ANXA3: variants seen among roughly 807,000 people sequenced by gnomAD.
The protein encoded by ANXA3 is annexin A3.
In ANXA3, 46 loss-of-function variants were observed where a neutral mutation model predicts 48.8. That is an observed-to-expected ratio of 0.94 (90% CI 0.74 to 1.21). The LOEUF is 1.21. ANXA3 is among the 50% of genes most tolerant of loss of function. The pLI, the probability that ANXA3 is intolerant of heterozygous loss-of-function variation, is 0.00. For missense variants in ANXA3, 383 were observed against 378.6 expected, an observed-to-expected ratio of 1.01 and a Z score of -0.10; for synonymous variants, 128 against 134.7, an observed-to-expected ratio of 0.95 and a Z score of 0.35.
chr4:78,563,870 G>A (rs190680048), intron 2 of ANXA3, among the ~76,000 whole-genome samples: 15 of 152,230 alleles, frequency 9.9e-5, no homozygotes, highest in Admixed American at 2.6e-4. Context: ...AGACAGGGAC[G>A]TCTCCCGCAG....
chr4:78,603,054 C>G (rs1362734666), intron 11 of ANXA3: 2 of 152,354 alleles, frequency 1.3e-5, no homozygotes, highest in South Asian at 2.1e-4. Context: ...CCTAACTGTA[C>G]CAGGCCAATT....
intron 6 of ANXA3, among the ~76,000 whole-genome samples, chr4:78,586,883 C>G (rs1260732013): frequency 1.3e-5 from 2 of 152,138 alleles, no homozygotes; most frequent in Non-Finnish European, 2.9e-5. Context: ...AGGTCACAGT[C>G]CCCACAAGAC....
intron 2 of ANXA3, among the ~76,000 whole-genome samples, chr4:78,556,906 G>A (rs1722524016): frequency 2.0e-5 from 3 of 152,268 alleles, no homozygotes; most frequent in Admixed American, 2.0e-4. Flanking sequence ...GTGATCAAGG[G>A]TGTATTCATT....
Position 78,572,979 on chromosome 4 carries a change from G to A in ANXA3, c.16-201G>A, listed in dbSNP as rs973686353. On this transcript the variant is annotated intron_variant, in intron 2 of 12. Coordinates refer to ENST00000264908, the MANE Select transcript of ANXA3 (RefSeq NM_005139.3). The stretch of plus-strand genomic sequence containing the variant: ...AGACAGCCAGCCTGTGAGGCTAGAA[G>A]CAAGATGGAGTCAACCATGTCAGAT... 14 of 673,914 alleles carry A rather than the reference G, an allele frequency of 2.1e-5. No individual in the cohort carries two copies. The African/African-American group carries it at 2.1e-4, about 10-fold the overall frequency. 41.7% of individuals were successfully genotyped at this position (673,914 alleles called of 1,614,324 possible). A position where few individuals can be genotyped will look rare whatever the true frequency, so the allele number is the denominator to read the frequency against.
chr4:78,610,064 T>C lies in ANXA3; in HGVS notation c.921T>C (p.Thr307=). ...YSLYSAIKSD[T]SGDYEITLLK... ...GATTTTATTCTTTGCAGTCGGATAC[T>C]TCTGGAGACTATGAAATCACACTCT... Residue 307 remains threonine, a synonymous_variant, in exon 13 of 13, where the codon ACT becomes ACC. Coordinates refer to ENST00000264908, the MANE Select transcript of ANXA3 (RefSeq NM_005139.3). The C allele has an allele frequency of 1.2e-6, 2 of 1,609,580 alleles. No homozygotes were observed. The highest frequency in any genetic ancestry group is 2.2e-5 in the South Asian group (2 of 90,696).
At chr4:78,583,867 T>C (rs1329835466) in intron 5 of ANXA3, among the ~76,000 whole-genome samples, 1 of 152,176 alleles carries the variant, frequency 6.6e-6, no homozygotes, top group Non-Finnish European at 1.5e-5. Context: ...AGTGAATCGA[T>C]AATAAACTGA....
chr4:78,563,276 C>G (rs1722661081), intron 2 of ANXA3, among the ~76,000 whole-genome samples: 1 of 152,142 alleles, frequency 6.6e-6, no homozygotes, highest in African/African-American at 2.4e-5. Flanking sequence ...AGGAGACATC[C>G]CTGATCCCAG....
At chr4:78,609,789 C>T (rs1024591860) in intron 12 of ANXA3, among the ~76,000 whole-genome samples, 1 of 152,084 alleles carries the variant, frequency 6.6e-6, no homozygotes, top group African/African-American at 2.4e-5. Flanking sequence ...GTAAGTGATG[C>T]AATCTTATTT....
chr4:78,553,786 G>C (rs549021618), intron 1 of ANXA3: 1 of 152,190 alleles, frequency 6.6e-6, no homozygotes, highest in Non-Finnish European at 1.5e-5. Context: ...AAGGGTGGGA[G>C]CAACTTGCAT....
In ANXA3 at chr4:78,554,494, T is replaced by C; in HGVS notation, c.15+6T>C. 21 of 1,612,804 alleles carry C rather than the reference T, an allele frequency of 1.3e-5. No homozygotes were observed. Among genetic ancestry groups the C allele is most frequent in the Non-Finnish European group, 1.8e-5 (21 of 1,179,214 alleles). On this transcript the variant is annotated splice_donor_region_variant and intron_variant, in intron 2 of 12. Coordinates refer to ENST00000264908, the MANE Select transcript of ANXA3 (RefSeq NM_005139.3). ...ATATCATGGCATCTATCTGGGTAAG[T>C]AAAAATTAAGCCTTCACAACACAGT...
intron 4 of ANXA3, among the ~76,000 whole-genome samples, chr4:78,579,322 T>C: frequency 6.6e-6 from 1 of 152,306 alleles, no homozygotes; most frequent in East Asian, 1.9e-4. Context: ...TTGGTCTTTC[T>C]GGGCCTCAGT....
At chr4:78,593,829 T>TC (rs1723356929) in intron 7 of ANXA3, among the ~76,000 whole-genome samples, 1 of 120,936 alleles carries the variant, frequency 8.3e-6, no homozygotes. Flanking sequence ...TTTTTTTTTT[T>TC]AGAGCGAGAG....
At chr4:78,568,085 A>G (rs1722767923) in intron 2 of ANXA3, among the ~76,000 whole-genome samples, 1 of 152,280 alleles carries the variant, frequency 6.6e-6, no homozygotes, top group Middle Eastern at 3.4e-3. Flanking sequence ...AATTAATTAC[A>G]TCTGCAATAA....
rs765461361 is a variant in ANXA3 at position 78,572,978 on chromosome 4, A to G, written c.16-202A>G. 367 of 672,774 alleles carry G rather than the reference A, an allele frequency of 5.5e-4. 1 individual carries two copies. Among genetic ancestry groups the G allele is most frequent in the Admixed American group, 9.9e-4 (51 of 51,652 alleles). 41.7% of individuals were successfully genotyped at this position (672,774 alleles called of 1,614,324 possible). ...AAGACAGCCAGCCTGTGAGGCTAGA[A>G]GCAAGATGGAGTCAACCATGTCAGA... On this transcript the variant is annotated intron_variant, in intron 2 of 12. Transcript: ENST00000264908.
intron 4 of ANXA3, among the ~76,000 whole-genome samples, chr4:78,580,388 T>C (rs1242815630): frequency 6.6e-6 from 1 of 152,048 alleles, no homozygotes; most frequent in African/African-American, 2.4e-5. Flanking sequence ...ATGGCAGGAA[T>C]GTAGAAAGTG....
At chr4:78,555,853 A>T (rs1382726127) in intron 2 of ANXA3, among the ~76,000 whole-genome samples, 1 of 20,838 alleles carries the variant, frequency 4.8e-5, no homozygotes, top group African/African-American at 6.5e-5. Context: ...CCTATCTATT[A>T]AAAAAAAAAA....
At chr4:78,589,117 A>G (rs147947391) in intron 6 of ANXA3, among the ~76,000 whole-genome samples, 1 of 152,294 alleles carries the variant, frequency 6.6e-6, no homozygotes, top group Admixed American at 6.5e-5. Flanking sequence ...TATGTTGTTC[A>G]CTGCTGTATC....
At chr4:78,599,178 A>G (rs73828044) in intron 10 of ANXA3, among the ~76,000 whole-genome samples, 4,786 of 152,306 alleles carry the variant, frequency 0.031, 272 homozygotes, top group African/African-American at 0.11. Flanking sequence ...GTGCAATTCA[A>G]TGCTTTTTAA....
chr4:78,585,169 TCTCTATGGCTAC>T (rs1405448527), intron 5 of ANXA3, among the ~76,000 whole-genome samples: 3 of 152,200 alleles, frequency 2.0e-5, no homozygotes, highest in African/African-American at 7.2e-5. Flanking sequence ...GAGCATTGTT[TCTCTATGGCTAC>T]CCAAAGGGGA....
Sources: gnomAD v4.1 joint callset for allele counts (sites outside exome capture counted in the v4.1 genomes callset) on GRCh38, gnomAD v4.1.1 for gene constraint, MANE v1.5 for transcripts, NCBI Gene and HGNC (gene_info 2026-07-23, HGNC 2026-07-21) for gene names.